CPA3: variants seen among roughly 807,000 people sequenced by gnomAD.
CPA3 encodes carboxypeptidase A3, also known as mast cell carboxypeptidase A.
Under a neutral mutation model 55.8 loss-of-function variants are expected in CPA3, and 52 were observed. The observed-to-expected ratio is 0.93, with a 90% CI of 0.75 to 1.17. The LOEUF (loss-of-function observed/expected upper bound fraction) is 1.17. Ranked by LOEUF, CPA3 falls within the 50% of genes most tolerant of loss-of-function variation. The pLI is 0.00. For missense variants in CPA3, 547 were observed against 509.1 expected (o/e 1.07, Z -0.72); for synonymous variants, 179 against 171.2 (o/e 1.05, Z -0.36).
Position 148,870,036 on chromosome 3 carries a change from T to G in CPA3, c.269+997T>G, listed in dbSNP as rs573239283. On this transcript the variant is annotated intron_variant, in intron 3 of 10. Transcript: ENST00000296046. ...TGAACCTGGGAGGCAGAGGTTGCAG[T>G]GAGCCGAGATCGCGCCACTGCACTC... is the stretch of plus-strand genomic sequence containing the variant. The G allele has an allele frequency of 6.1e-5, 8 of 130,452 alleles. No homozygotes were observed. The Admixed American group carries it at 8.3e-4, about 14-fold the overall frequency. 8.1% of individuals were successfully genotyped at this position (130,452 alleles called of 1,614,324 possible).
intron 3 of CPA3, among the ~76,000 whole-genome samples, chr3:148,869,360 C>T (rs1037512161): frequency 1.3e-5 from 2 of 152,112 alleles, no homozygotes; most frequent in African/African-American, 2.4e-5. Flanking sequence ...GGTTTAGCCA[C>T]ATGTCATCAC....
intron 10 of CPA3, among the ~76,000 whole-genome samples, chr3:148,892,405 C>T (rs1454992237): frequency 6.6e-6 from 1 of 152,136 alleles, no homozygotes; most frequent in Non-Finnish European, 1.5e-5. Flanking sequence ...GTAATCTTAG[C>T]ACTTTGGGAG....
chr3:148,881,330 C>G, intron 6 of CPA3, 192 bp from the exon 7 acceptor site: 1 of 461,078 alleles, frequency 2.2e-6, no homozygotes, highest in East Asian at 3.3e-5. Flanking sequence ...ATTAATGTCA[C>G]TAGTCTAAAT....
At chr3:148,890,701 T>A (rs1004211435) in intron 10 of CPA3, among the ~76,000 whole-genome samples, 1 of 152,214 alleles carries the variant, frequency 6.6e-6, no homozygotes, top group African/African-American at 2.4e-5. Context: ...ATTTAAATAA[T>A]ATTTTTTAAA....
chr3:148,876,773 G>T (rs1250718104), intron 3 of CPA3, among the ~76,000 whole-genome samples: 2 of 152,192 alleles, frequency 1.3e-5, no homozygotes, highest in African/African-American at 4.8e-5. Context: ...AATTAAATAT[G>T]ATTTGGTTTC....
At chr3:148,896,390 C>A in intron 10 of CPA3, 130 bp from the exon 11 acceptor site, 1 of 678,538 alleles carries the variant, frequency 1.5e-6, no homozygotes, top group Non-Finnish European at 2.3e-6. Context: ...CAGACCACTA[C>A]TCTCATTCAT....
At chr3:148,893,109 T>C (rs1423947590) in intron 10 of CPA3, among the ~76,000 whole-genome samples, 3 of 152,060 alleles carry the variant, frequency 2.0e-5, no homozygotes, top group African/African-American at 7.2e-5. Flanking sequence ...ATGTCCAGAA[T>C]ATAATCAAAA....
At chr3:148,867,546 C>A (rs1200733065) in intron 2 of CPA3, among the ~76,000 whole-genome samples, 1 of 152,254 alleles carries the variant, frequency 6.6e-6, no homozygotes, top group Non-Finnish European at 1.5e-5. Context: ...GCACATTACC[C>A]TGCTAGAACA....
chr3:148,887,630 T>C (rs543456555), intron 10 of CPA3, among the ~76,000 whole-genome samples: 1 of 152,210 alleles, frequency 6.6e-6, no homozygotes, highest in Non-Finnish European at 1.5e-5. Flanking sequence ...TCCTGGGAAG[T>C]GAGACCACTT....
intron 9 of CPA3, 63 bp downstream of exon 9, chr3:148,883,878 C>A: frequency 8.3e-7 from 1 of 1,203,946 alleles, no homozygotes; most frequent in Non-Finnish European, 1.2e-6. Flanking sequence ...GTCTGTTCTT[C>A]ATTAACTTGG....
chr3:148,868,885 C>T, intron 2 of CPA3, 30 bp from the exon 3 acceptor site: 1 of 1,606,398 alleles, frequency 6.2e-7, no homozygotes, highest in Non-Finnish European at 8.5e-7. Context: ...AGCAAATAAA[C>T]TCTGACTAAC....
intron 10 of CPA3, among the ~76,000 whole-genome samples, chr3:148,892,590 T>G (rs1386223840): frequency 2.6e-5 from 4 of 151,164 alleles, no homozygotes; most frequent in African/African-American, 9.8e-5. Context: ...AAGGCAGAGG[T>G]TGCAGTGAGC....
intron 5 of CPA3, 101 bp from the exon 6 acceptor site, chr3:148,879,687 A>G (rs1559968356): frequency 1.3e-6 from 1 of 763,686 alleles, no homozygotes; most frequent in East Asian, 2.6e-5. Context: ...AACAATAGAC[A>G]GGGGAAATAA....
chr3:148,880,055 T>C (rs1025803156), intron 6 of CPA3, among the ~76,000 whole-genome samples, 166 bp downstream of exon 6: 3 of 152,196 alleles, frequency 2.0e-5, no homozygotes, highest in African/African-American at 4.8e-5. Flanking sequence ...TTACAGTTTT[T>C]ATGAAATTGA....
Position 148,883,638 on chromosome 3 carries a change from T to G in CPA3, c.804T>G (p.Cys268Trp). The G allele has an allele frequency of 6.2e-7, 1 of 1,614,048 alleles. No individual in the cohort carries two copies. Among genetic ancestry groups the G allele is most frequent in the Non-Finnish European group, 8.5e-7 (1 of 1,179,962 alleles). The change falls in exon 9 of 11, where the codon TGT (cysteine) becomes TGG (tryptophan). Residue 268 changes from cysteine (C) to tryptophan (W), a missense_variant. Physicochemically the swap from Cys to Trp is radical, Grantham distance 215. Coordinates refer to ENST00000296046, the MANE Select transcript of CPA3 (RefSeq NM_001870.4). ...CCATTCCTAACACCAATGACCCATG[T>G]GCAGATAACTATCGGGGCTCTGCAC... is the stretch of plus-strand genomic sequence containing the variant. The part of the protein sequence containing the change: ...WNSIPNTNDP[C>W]ADNYRGSAPE...
intron 2 of CPA3, 106 bp from the exon 3 acceptor site, chr3:148,868,809 C>A: frequency 7.7e-7 from 1 of 1,291,200 alleles, no homozygotes; most frequent in Non-Finnish European, 1.1e-6. Flanking sequence ...CTTAGTTATG[C>A]TGAGCCCCAA....
chr3:148,880,628 G>A (rs1459927475), intron 6 of CPA3, among the ~76,000 whole-genome samples: 1 of 151,878 alleles, frequency 6.6e-6, no homozygotes, highest in African/African-American at 2.4e-5. Flanking sequence ...CACCACACTG[G>A]GCCTACAATT....
In CPA3 at chr3:148,868,979, T is replaced by G. The variant is rs1194660550; in HGVS notation, c.209T>G (p.Val70Gly). 9 of 1,613,902 alleles carry G rather than the reference T, an allele frequency of 5.6e-6. No homozygotes were observed. Among genetic ancestry groups the G allele is most frequent in the Non-Finnish European group, 7.6e-6 (9 of 1,179,966 alleles). ...GCTAATATGATGGTGGATTTCCGAG[T>G]TAGTGAGAAGGAATCCCAAGCCATC... ...VAANMMVDFR[V>G]SEKESQAIQS... The change falls in exon 3 of 11, where the codon GTT (valine) becomes GGT (glycine). Residue 70 changes from valine to glycine, a missense_variant. Coordinates refer to ENST00000296046, the MANE Select transcript of CPA3 (RefSeq NM_001870.4).
rs530988226 is a variant in CPA3 at position 148,878,247 on chromosome 3, TCTAGATAAATGGGGAGATCAGAA to T, written c.270-193_270-171del. 9.9e-5 allele frequency among the ~76,000 whole-genome samples: 15 copies of T among 152,154 alleles called. No homozygotes were observed. In the South Asian group the frequency reaches 2.7e-3, roughly 27 times the overall value. On this transcript the variant is annotated intron_variant, in intron 3 of 10. Coordinates refer to ENST00000296046, the MANE Select transcript of CPA3 (RefSeq NM_001870.4). Reference sequence around the variant, plus strand: ...AGACTATCACACTGGACAGCACAGCTCTAGATAAATGGGGAGATCAGAAGCCAGACACATGATATGTCTAAAGG... The same window carrying T: ...AGACTATCACACTGGACAGCACAGCTGCCAGACACATGATATGTCTAAAGG...
Sources: allele counts gnomAD v4.1 joint callset (sites outside exome capture counted in the v4.1 genomes callset), GRCh38; gene constraint gnomAD v4.1.1; transcripts MANE v1.5; gene names NCBI Gene and HGNC (gene_info 2026-07-23, HGNC 2026-07-21).